The following TSNARE1 variants were observed in gnomAD, a reference collection of about 807,000 sequenced individuals.
TSNARE1 encodes t-SNARE domain containing 1.
A neutral mutation model predicts 62.0 loss-of-function variants in TSNARE1; 49 were observed. The ratio of observed to expected loss-of-function variants is 0.79; its 90% CI spans 0.63 to 1.00. TSNARE1 has a LOEUF of 1.00. Among genes scored for constraint, TSNARE1 ranks in the 50% least tolerant of loss-of-function variants. TSNARE1 has a pLI of 0.00. For missense variants in TSNARE1, 755 were observed against 700.1 expected, an observed-to-expected ratio of 1.08 and a Z score of -0.88; for synonymous variants, 328 against 294.4, an observed-to-expected ratio of 1.11 and a Z score of -1.17.
At chr8:142,287,619 C>G (rs1201129397) in intron 10 of TSNARE1, among the ~76,000 whole-genome samples, 1 of 135,352 alleles carries the variant, frequency 7.4e-6, no homozygotes, top group African/African-American at 2.9e-5. Context: ...TCGTGGAACC[C>G]AGGACCCCGG....
intron 6 of TSNARE1, among the ~76,000 whole-genome samples, chr8:142,321,786 A>G (rs1829520807): frequency 6.6e-6 from 1 of 152,256 alleles, no homozygotes; most frequent in Non-Finnish European, 1.5e-5. Flanking sequence ...ATAGCTCTAT[A>G]TGTATGGCAG....
At chr8:142,325,553 C>A (rs1830088573) in intron 6 of TSNARE1, among the ~76,000 whole-genome samples, 1 of 152,138 alleles carries the variant, frequency 6.6e-6, no homozygotes, top group African/African-American at 2.4e-5. Flanking sequence ...ACAGGCCAGC[C>A]CACGACCGGT....
chr8:142,333,278 C>T (rs957564642), intron 4 of TSNARE1, among the ~76,000 whole-genome samples: 1 of 152,140 alleles, frequency 6.6e-6, no homozygotes, highest in Admixed American at 6.5e-5. Context: ...CACGGGGGGC[C>T]GAGCTCGCTC....
intron 1 of TSNARE1, among the ~76,000 whole-genome samples, chr8:142,399,371 C>T (rs988342930): frequency 2.6e-5 from 4 of 152,226 alleles, no homozygotes; most frequent in African/African-American, 9.6e-5. Context: ...GCTGGATGGA[C>T]GTTCAGAGAC....
At chr8:142,269,764 GC>G (rs1282387077) in intron 12 of TSNARE1, 1 of 985,032 alleles carries the variant, frequency 1.0e-6, no homozygotes, top group East Asian at 1.1e-4. Flanking sequence ...CAGAGTGGAG[GC>G]CCCGCCCAGA....
chr8:142,325,093 C>CA (rs1830009222), intron 6 of TSNARE1, among the ~76,000 whole-genome samples: 1 of 152,236 alleles, frequency 6.6e-6, no homozygotes, highest in Non-Finnish European at 1.5e-5. Context: ...GGTGCACAGA[C>CA]CCAGGGACCG....
chr8:142,276,946 C>T, intron 11 of TSNARE1: 2 of 985,474 alleles, frequency 2.0e-6, no homozygotes, highest in Non-Finnish European at 2.4e-6. Context: ...ACGCCATGTC[C>T]TGCCCCGGCG....
intron 1 of TSNARE1, among the ~76,000 whole-genome samples, chr8:142,398,246 C>T (rs1485484282): frequency 4.1e-5 from 6 of 147,742 alleles, no homozygotes; most frequent in African/African-American, 1.0e-4. Flanking sequence ...CCAAAGCGCA[C>T]CCCCAGCCCT....
intron 2 of TSNARE1, among the ~76,000 whole-genome samples, chr8:142,347,592 T>A (rs1383186440): frequency 6.6e-6 from 1 of 151,984 alleles, no homozygotes; most frequent in Non-Finnish European, 1.5e-5. Context: ...AGAAATGGGG[T>A]CCCACAGGCC....
chr8:142,287,770 C>T (rs1349626166), intron 10 of TSNARE1, among the ~76,000 whole-genome samples: 2 of 148,134 alleles, frequency 1.4e-5, no homozygotes, highest in African/African-American at 5.0e-5. Flanking sequence ...CCCAGGACCC[C>T]GGCCAGATCT....
At chr8:142,304,864 C>T (rs895370537) in intron 9 of TSNARE1, among the ~76,000 whole-genome samples, 6 of 152,214 alleles carry the variant, frequency 3.9e-5, no homozygotes, top group South Asian at 2.1e-4. Flanking sequence ...CCCTGGAGAG[C>T]GGCATGACGG....
intron 9 of TSNARE1, 152 bp from the exon 10 acceptor site, chr8:142,300,796 G>A (rs1361885967): frequency 2.1e-5 from 16 of 761,970 alleles, no homozygotes; most frequent in Admixed American, 1.8e-4. Context: ...GGCCTTCTGC[G>A]GCCACGAGCC....
intron 1 of TSNARE1, among the ~76,000 whole-genome samples, chr8:142,382,512 G>T (rs1052637023): frequency 6.6e-6 from 1 of 152,160 alleles, no homozygotes; most frequent in African/African-American, 2.4e-5. Context: ...ATGCGGGCAG[G>T]GGGCAGGGAG....
intron 1 of TSNARE1, among the ~76,000 whole-genome samples, chr8:142,382,095 C>T (rs760790547): frequency 7.9e-5 from 12 of 152,300 alleles, no homozygotes; most frequent in South Asian, 2.1e-4. Context: ...GTGCAGCCTC[C>T]GTGTGGAATG....
chr8:142,248,063 A>T (rs1817978455), intron 12 of TSNARE1, among the ~76,000 whole-genome samples: 1 of 152,052 alleles, frequency 6.6e-6, no homozygotes, highest in Non-Finnish European at 1.5e-5. Flanking sequence ...TCGAGAGGTG[A>T]TGAGGCCTGG....
rs1491342866 is a variant in TSNARE1, at chr8:142,270,502, ATT to A, written c.1446+4277_1446+4278del. 61 of 884,566 alleles carry A rather than the reference ATT, an allele frequency of 6.9e-5. No individual in the cohort carries two copies. The East Asian group carries it at 9.0e-4, about 13-fold the overall frequency. 54.8% of individuals were successfully genotyped at this position (884,566 alleles called of 1,614,324 possible). On this transcript the variant is annotated intron_variant, in intron 12 of 13. Coordinates refer to ENST00000524325, the MANE Select transcript of TSNARE1 (RefSeq NM_145003.5). ...TAGGCATATATATATATATATATAT[ATT>A]TATGTATTTATAACAGAAAATTGGA... is the stretch of plus-strand genomic sequence containing the variant.
chr8:142,382,210 A>C (rs1836815932), intron 1 of TSNARE1, among the ~76,000 whole-genome samples: 1 of 152,100 alleles, frequency 6.6e-6, no homozygotes, highest in Non-Finnish European at 1.5e-5. Context: ...AGCTGCAGTT[A>C]CATGAATCAG....
chr8:142,351,822 G>A (rs186630828), intron 2 of TSNARE1, among the ~76,000 whole-genome samples: 1 of 152,274 alleles, frequency 6.6e-6, no homozygotes, highest in African/African-American at 2.4e-5. Context: ...ACAGAAGAAA[G>A]GCAATTCAAC....
At chr8:142,353,270 A>T (rs954321753) in intron 2 of TSNARE1, among the ~76,000 whole-genome samples, 9 of 152,058 alleles carry the variant, frequency 5.9e-5, no homozygotes. Flanking sequence ...GAACCATCCC[A>T]GTCAGAACAC....
Sources: allele counts gnomAD v4.1 joint callset (sites outside exome capture counted in the v4.1 genomes callset), GRCh38; gene constraint gnomAD v4.1.1; transcripts MANE v1.5; gene names NCBI Gene and HGNC (gene_info 2026-07-23, HGNC 2026-07-21).